The following COG5 variants were observed in gnomAD, a reference collection of about 807,000 sequenced individuals.
The protein encoded by COG5 is component of oligomeric golgi complex 5.
Under a neutral mutation model 110.4 loss-of-function variants are expected in COG5, and 86 were observed. The observed-to-expected ratio is 0.78, with a 90% confidence interval of 0.65 to 0.93. The LOEUF (loss-of-function observed/expected upper bound fraction) is 0.93, where lower values mean the gene tolerates loss of function less well. Ranked by LOEUF, COG5 falls within the 40% of genes least tolerant of loss-of-function variation. The pLI, the probability that COG5 is intolerant of heterozygous loss-of-function variation, is 0.00. For synonymous variants in COG5, 360 were observed against 334.6 expected (o/e 1.08, Z -0.83); for missense variants, 1,077 against 987.0 (o/e 1.09, Z -1.22).
intron 6 of COG5, among the ~76,000 whole-genome samples, chr7:107,511,981 G>T (rs893944323): frequency 3.9e-5 from 6 of 152,160 alleles, no homozygotes; most frequent in Admixed American, 3.9e-4. Flanking sequence ...TTTGAAAGCT[G>T]GCACAAGACA....
chr7:107,299,677 C>T lies in COG5; in HGVS notation c.1109-1331G>A, dbSNP rs372255037. Among the ~76,000 whole-genome samples, 5 of 151,304 alleles carry T rather than the reference C, an allele frequency of 3.3e-5. No individual in the cohort carries two copies. The East Asian group carries it at 9.7e-4, about 29-fold the overall frequency. Reference sequence around the variant, plus strand: ...ACTGCCCTGATATAAAAACCAGATACTAAAGAAAAATAAAAACTACAAAAC... The same window carrying T: ...ACTGCCCTGATATAAAAACCAGATATTAAAGAAAAATAAAAACTACAAAAC... On this transcript the variant is annotated intron_variant, in intron 11 of 21. Coordinates refer to ENST00000297135, the MANE Select transcript of COG5 (RefSeq NM_006348.5).
At chr7:107,384,195 T>C (rs1451798520) in intron 7 of COG5, among the ~76,000 whole-genome samples, 7 of 152,252 alleles carry the variant, frequency 4.6e-5, no homozygotes, top group Admixed American at 4.6e-4. Context: ...GATTGGCCTC[T>C]AGGAAGCTCT....
chr7:107,336,512 T>C (rs566483251), intron 10 of COG5, among the ~76,000 whole-genome samples: 1 of 152,314 alleles, frequency 6.6e-6, no homozygotes, highest in East Asian at 1.9e-4. Flanking sequence ...TAATCTATTG[T>C]ACATTTCAAA....
At chr7:107,320,489 G>T (rs1446031792) in intron 11 of COG5, among the ~76,000 whole-genome samples, 4 of 152,134 alleles carry the variant, frequency 2.6e-5, no homozygotes, top group Admixed American at 2.0e-4. Flanking sequence ...TGTTTTGTTC[G>T]ATTGAATTTT....
chr7:107,507,418 C>A (rs201882017), intron 6 of COG5, among the ~76,000 whole-genome samples: 2 of 150,596 alleles, frequency 1.3e-5, no homozygotes, highest in South Asian at 2.1e-4. Context: ...CTCAGCCTCC[C>A]GAGTAGCTGG....
At chr7:107,549,196 T>C (rs894019197) in intron 3 of COG5, 2 of 152,194 alleles carry the variant, frequency 1.3e-5, no homozygotes, top group Non-Finnish European at 2.9e-5. Flanking sequence ...CCATTACTTA[T>C]AACCATTTTC....
At chr7:107,391,104 G>A (rs75672288) in intron 7 of COG5, among the ~76,000 whole-genome samples, 3 of 151,762 alleles carry the variant, frequency 2.0e-5, no homozygotes, top group East Asian at 1.9e-4. Flanking sequence ...GTGGGAGGAG[G>A]GGGGAGGGTC....
chr7:107,203,718 A>G, intron 21 of COG5, 88 bp from the exon 22 acceptor site: 1 of 860,264 alleles, frequency 1.2e-6, no homozygotes, highest in Non-Finnish European at 1.9e-6. Flanking sequence ...AATTATTAGT[A>G]AGCTCATTTC....
rs145830858 is a variant in COG5 at position 107,307,277 on chromosome 7, C to G, written c.1109-8931G>C. Among the ~76,000 whole-genome samples, 160 of 152,270 alleles carry G rather than the reference C, an allele frequency of 1.1e-3. 1 individual carries two copies. The highest frequency in any genetic ancestry group is 3.8e-3 in the African/African-American group (156 of 41,560). Reference sequence around the variant, plus strand: ...ATTTGATTTCTGTTGATCACTCTCTCCTTTGAAAAATACTGTCCATGACCC... The same window carrying G: ...ATTTGATTTCTGTTGATCACTCTCTGCTTTGAAAAATACTGTCCATGACCC... On this transcript the variant is annotated intron_variant, in intron 11 of 21. Coordinates refer to ENST00000297135, the MANE Select transcript of COG5 (RefSeq NM_006348.5).
intron 6 of COG5, among the ~76,000 whole-genome samples, chr7:107,510,521 T>C (rs1799417760): frequency 6.6e-6 from 1 of 152,138 alleles, no homozygotes; most frequent in Non-Finnish European, 1.5e-5. Flanking sequence ...TACCCAGGAA[T>C]TGAACTCAGC....
intron 2 of COG5, among the ~76,000 whole-genome samples, chr7:107,554,774 G>A (rs1803180593): frequency 6.6e-6 from 1 of 152,022 alleles, no homozygotes; most frequent in African/African-American, 2.4e-5. Context: ...TCTTCCTCGG[G>A]CCTCTCCAAT....
chr7:107,335,518 A>C (rs1167392055), intron 10 of COG5, among the ~76,000 whole-genome samples: 2 of 152,246 alleles, frequency 1.3e-5, no homozygotes, highest in Non-Finnish European at 2.9e-5. Context: ...GACAAAAATT[A>C]CTTAAGCGCT....
At chr7:107,414,852 C>T (rs112828423) in intron 6 of COG5, among the ~76,000 whole-genome samples, 23,010 of 150,874 alleles carry the variant, frequency 0.15, 2,190 homozygotes, top group Non-Finnish European at 0.21. Context: ...CTCAGCCTCC[C>T]GGGTAGCTGG....
intron 5 of COG5, among the ~76,000 whole-genome samples, chr7:107,539,983 G>A (rs780156064): frequency 1.3e-5 from 2 of 152,150 alleles, no homozygotes; most frequent in African/African-American, 2.4e-5. Flanking sequence ...CAAAGGGAAG[G>A]CAAGGGAAAC....
At position 107,332,948 on chromosome 7, in the gene COG5, C is replaced by CT. The variant is rs1323611039; in HGVS notation, c.1027-8428dup. ...CTAAGCCTGAAAAAGAAGCAGACAC[C>CT]TTTGAGGCAAAAGGGGGAGGTAAGG... On this transcript the variant is annotated intron_variant, in intron 10 of 21. Transcript: ENST00000297135. Among the ~76,000 whole-genome samples, 3 of 152,024 alleles carry CT rather than the reference C, an allele frequency of 2.0e-5. No homozygotes were observed. The East Asian group carries it at 5.8e-4, about 29-fold the overall frequency.
intron 7 of COG5, among the ~76,000 whole-genome samples, chr7:107,381,501 T>C (rs888096860): frequency 5.3e-5 from 8 of 152,222 alleles, no homozygotes; most frequent in African/African-American, 1.9e-4. Flanking sequence ...ACCATAGAGA[T>C]AACCAAACTT....
intron 10 of COG5, among the ~76,000 whole-genome samples, chr7:107,336,676 A>T (rs1024883287): frequency 6.6e-6 from 1 of 152,232 alleles, no homozygotes; most frequent in Non-Finnish European, 1.5e-5. Flanking sequence ...AAAATAAAAA[A>T]TTTTTAAATC....
chr7:107,307,036 C>G (rs1478507047), intron 11 of COG5, among the ~76,000 whole-genome samples: 1 of 152,124 alleles, frequency 6.6e-6, no homozygotes, highest in Non-Finnish European at 1.5e-5. Flanking sequence ...TAAAAAAGTA[C>G]AAACAAGATG....
chr7:107,455,940 C>A (rs768715313), intron 6 of COG5, among the ~76,000 whole-genome samples: 1 of 152,060 alleles, frequency 6.6e-6, no homozygotes, highest in Admixed American at 6.5e-5. Flanking sequence ...ACTACAGACA[C>A]GCACCACCAC....
Sources: allele counts gnomAD v4.1 joint callset (sites outside exome capture counted in the v4.1 genomes callset), GRCh38; gene constraint gnomAD v4.1.1; transcripts MANE v1.5; gene names NCBI Gene and HGNC (gene_info 2026-07-23, HGNC 2026-07-21).